The following SMAD2 variants were observed in gnomAD, a reference collection of about 807,000 sequenced individuals.
SMAD2 encodes MAD homolog 2.
SMAD2 carries 8 observed loss-of-function variants against 64.4 expected under a neutral mutation model. The ratio of observed to expected loss-of-function variants is 0.12; its 90% CI spans 0.07 to 0.22. The LOEUF (loss-of-function observed/expected upper bound fraction) is 0.22. SMAD2 is among the 10% of genes least tolerant of loss of function. The probability of loss-of-function intolerance (pLI) is 1.00; values close to 1 mark genes in which losing one functional copy is unlikely to be tolerated. For synonymous variants in SMAD2, 203 were observed against 195.8 expected, an observed-to-expected ratio of 1.04 and a Z score of -0.31; for missense variants, 289 against 561.2, an observed-to-expected ratio of 0.51 and a Z score of 4.90.
rs935209668 is a variant in SMAD2 at position 47,827,612 on chromosome 18, C to G, written c.*14215G>C. On this transcript the variant is annotated 3_prime_UTR_variant, in exon 11 of 11. Transcript: ENST00000262160. ...TCTCCTGCCTCAGCCTGCCGAGTGC[C>G]TGGGATTGCAGACGCGCGCCGCCAC... The G allele has an allele frequency of 1.3e-5, 2 of 156,852 alleles. No individual in the cohort carries two copies. Among genetic ancestry groups the G allele is most frequent in the African/African-American group, 2.4e-5 (1 of 41,522 alleles). The allele number at this position is 156,852 out of a possible 1,614,324, so 9.7% of individuals were successfully genotyped here. A position where few individuals can be genotyped will look rare whatever the true frequency, so the allele number is the denominator to read the frequency against.
intron 8 of SMAD2, 141 bp downstream of exon 8, chr18:47,848,334 G>A: frequency 1.4e-6 from 1 of 694,516 alleles, no homozygotes; most frequent in Non-Finnish European, 2.6e-6. Context: ...TGAAGCCTGT[G>A]CACTTAAATG....
chr18:47,874,243 T>C (rs2032125973), intron 2 of SMAD2, among the ~76,000 whole-genome samples: 1 of 152,142 alleles, frequency 6.6e-6, no homozygotes, highest in African/African-American at 2.4e-5. Context: ...AGCAAAACAA[T>C]CTTGAAAAAG....
intron 2 of SMAD2, among the ~76,000 whole-genome samples, chr18:47,879,269 G>A (rs2032445370): frequency 1.3e-5 from 2 of 152,136 alleles, no homozygotes; most frequent in Non-Finnish European, 2.9e-5. Flanking sequence ...TTTCTCAGAT[G>A]CATACATTGT....
chr18:47,901,084 C>T (rs2033664614), intron 1 of SMAD2, among the ~76,000 whole-genome samples: 1 of 152,094 alleles, frequency 6.6e-6, no homozygotes. Flanking sequence ...ATCAAGCCTG[C>T]TAATTGTGAT....
At chr18:47,843,322 G>A (rs966812128) in intron 10 of SMAD2, among the ~76,000 whole-genome samples, 7 of 152,122 alleles carry the variant, frequency 4.6e-5, no homozygotes, top group African/African-American at 1.7e-4. Flanking sequence ...CCCCAAGGGT[G>A]TCAGTTCTAG....
intron 10 of SMAD2, among the ~76,000 whole-genome samples, chr18:47,842,201 A>T (rs1914019063): frequency 6.6e-6 from 1 of 152,138 alleles, no homozygotes; most frequent in Non-Finnish European, 1.5e-5. Context: ...CTTATTATTC[A>T]CCATCATCCA....
chr18:47,842,642 G>A (rs894103559), intron 10 of SMAD2, among the ~76,000 whole-genome samples: 2 of 152,148 alleles, frequency 1.3e-5, no homozygotes, highest in Admixed American at 1.3e-4. Context: ...ATCAACCACA[G>A]AATAGTAGAT....
At chr18:47,896,830 A>T in intron 1 of SMAD2, 21 bp from the exon 2 acceptor site, 1 of 1,557,976 alleles carries the variant, frequency 6.4e-7, no homozygotes, top group Non-Finnish European at 8.7e-7. Context: ...TATTGAAAGG[A>T]TGATGTAGAG....
Position 47,831,651 on chromosome 18 carries a change from C to T in SMAD2, c.*10176G>A, listed in dbSNP as rs1912996895. On this transcript the variant is annotated 3_prime_UTR_variant, in exon 11 of 11. Coordinates refer to ENST00000262160, the MANE Select transcript of SMAD2 (RefSeq NM_005901.6). ...GTTCTCATGTAGCTTCCTAAGTATGCTTAGTCTATTGTTCATTTATCACTG... is the reference window on the plus strand; with the variant it reads ...GTTCTCATGTAGCTTCCTAAGTATGTTTAGTCTATTGTTCATTTATCACTG... The T allele has an allele frequency of 6.6e-6, 1 of 151,840 alleles. No individual in the cohort carries two copies. The highest frequency in any genetic ancestry group is 1.5e-5 in the Non-Finnish European group (1 of 68,026). The allele number at this position is 151,840 out of a possible 1,614,324, so 9.4% of individuals were successfully genotyped here.
In SMAD2 at chr18:47,912,301, T is replaced by C. The variant is rs183436134; in HGVS notation, c.-53-15492A>G. The C allele has an allele frequency of 5.9e-5, 9 of 152,314 alleles. No individual in the cohort carries two copies. The East Asian group carries it at 1.7e-3, about 29-fold the overall frequency. The allele number at this position is 152,314 out of a possible 1,614,324, so 9.4% of individuals were successfully genotyped here. On this transcript the variant is annotated intron_variant, in intron 1 of 10. Transcript: ENST00000262160. ...TACTTCATTTATTCCAGTGACAATTTGCATTTTGAATGACCTACTGGACGT... is the reference window on the plus strand; with the variant it reads ...TACTTCATTTATTCCAGTGACAATTCGCATTTTGAATGACCTACTGGACGT...
intron 2 of SMAD2, among the ~76,000 whole-genome samples, chr18:47,876,373 A>G (rs887855075): frequency 6.6e-6 from 1 of 152,094 alleles, no homozygotes; most frequent in Non-Finnish European, 1.5e-5. Flanking sequence ...ACCATTAACT[A>G]ACTACAATGA....
chr18:47,877,112 T>C (rs1631576), intron 2 of SMAD2, among the ~76,000 whole-genome samples: 86,252 of 151,474 alleles, frequency 0.57, 24,898 homozygotes, highest in East Asian at 0.82. Flanking sequence ...ATAAACCCCA[T>C]TGTTTTACTA....
In SMAD2 at chr18:47,837,569, A is replaced by AC. The variant is rs1913537004; in HGVS notation, c.*4257_*4258insG. The AC allele has an allele frequency of 4.4e-6, 1 of 227,216 alleles. No individual in the cohort carries two copies. Among genetic ancestry groups the AC allele is most frequent in the South Asian group, 1.8e-4 (1 of 5,446 alleles). The allele number at this position is 227,216 out of a possible 1,614,324, so 14.1% of individuals were successfully genotyped here. A position where few individuals can be genotyped will look rare whatever the true frequency, so the allele number is the denominator to read the frequency against. On this transcript the variant is annotated 3_prime_UTR_variant, in exon 11 of 11. Coordinates refer to ENST00000262160, the MANE Select transcript of SMAD2 (RefSeq NM_005901.6). ...AGAGCGAGACTCCCTCTCAAAAAAA[A>AC]AAAAAAAAAACAAAAAACAAGGCTA...
rs369420589 is a variant in SMAD2, at chr18:47,849,963, C to T, written c.785-1276G>A. Among the ~76,000 whole-genome samples, 80 of 151,274 alleles carry T rather than the reference C, an allele frequency of 5.3e-4. 1 individual carries two copies. The highest frequency in any genetic ancestry group is 9.0e-4 in the African/African-American group (37 of 41,146). ...CAGAGGTTGCAGTGAGCCGAGATTGCGCCACTGCACTCTAGCCTGGGCGAC... is the reference window on the plus strand; with the variant it reads ...CAGAGGTTGCAGTGAGCCGAGATTGTGCCACTGCACTCTAGCCTGGGCGAC... On this transcript the variant is annotated intron_variant, in intron 7 of 10. Transcript: ENST00000262160.
At chr18:47,850,330 TA>T (rs1440343302) in intron 7 of SMAD2, among the ~76,000 whole-genome samples, 1 of 47,610 alleles carries the variant, frequency 2.1e-5, no homozygotes. Flanking sequence ...ATATTATGTA[TA>T]ATATATGTTA....
intron 2 of SMAD2, among the ~76,000 whole-genome samples, chr18:47,887,341 C>G (rs2032964399): frequency 6.6e-6 from 1 of 152,150 alleles, no homozygotes; most frequent in South Asian, 2.1e-4. Flanking sequence ...ATTTTTAAGG[C>G]CCCTCCCGGT....
chr18:47,863,617 C>T (rs1282149084), intron 6 of SMAD2, among the ~76,000 whole-genome samples: 1 of 152,174 alleles, frequency 6.6e-6, no homozygotes, highest in Non-Finnish European at 1.5e-5. Context: ...TGCCACACGT[C>T]ATGCTATACT....
At chr18:47,883,075 A>G (rs994152998) in intron 2 of SMAD2, among the ~76,000 whole-genome samples, 1 of 151,950 alleles carries the variant, frequency 6.6e-6, no homozygotes, top group Admixed American at 6.6e-5. Context: ...TCTACTCTTA[A>G]TTTTATTATT....
rs1038744701 is a variant in SMAD2 at position 47,839,307 on chromosome 18, C to T, written c.*2520G>A. 4 of 233,228 alleles carry T rather than the reference C, an allele frequency of 1.7e-5. No individual in the cohort carries two copies. The highest frequency in any genetic ancestry group is 8.8e-5 in the African/African-American group (4 of 45,310). The allele number at this position is 233,228 out of a possible 1,614,324, so 14.4% of individuals were successfully genotyped here. A position where few individuals can be genotyped will look rare whatever the true frequency, so the allele number is the denominator to read the frequency against. ...AACCACCAAGATCAGGACCTTCTAC[C>T]ACTTTCAGAGTTGTTTTCTGCCCCT... On this transcript the variant is annotated 3_prime_UTR_variant, in exon 11 of 11. Transcript: ENST00000262160.
Sources: allele counts gnomAD v4.1 joint callset (sites outside exome capture counted in the v4.1 genomes callset), GRCh38; gene constraint gnomAD v4.1.1; transcripts MANE v1.5; gene names NCBI Gene and HGNC (gene_info 2026-07-23, HGNC 2026-07-21).